The following ADAMTS6 variants were observed in gnomAD, a reference collection of about 807,000 sequenced individuals.
ADAMTS6 encodes A disintegrin and metalloproteinase with thrombospondin motifs 6.
A neutral mutation model predicts 144.3 loss-of-function variants in ADAMTS6; 23 were observed. The ratio of observed to expected loss-of-function variants is 0.16; its 90% CI spans 0.11 to 0.23. The LOEUF (loss-of-function observed/expected upper bound fraction) is 0.23, where lower values mean the gene tolerates loss of function less well. Ranked by LOEUF, ADAMTS6 falls within the 10% of genes least tolerant of loss-of-function variation. The probability of loss-of-function intolerance (pLI) is 1.00; values close to 1 mark genes in which losing one functional copy is unlikely to be tolerated. For synonymous variants in ADAMTS6, 444 were observed against 457.5 expected, an observed-to-expected ratio of 0.97 and a Z score of 0.38; for missense variants, 999 against 1,379.6, an observed-to-expected ratio of 0.72 and a Z score of 4.37.
At position 65,409,309 on chromosome 5, in the gene ADAMTS6, A is replaced by T. The variant is rs188015675; in HGVS notation, c.1073+42166T>A. Among the ~76,000 whole-genome samples, 5 of 150,392 alleles carry T rather than the reference A, an allele frequency of 3.3e-5. No individual in the cohort carries two copies. The East Asian group carries it at 7.7e-4, about 23-fold the overall frequency. ...TCAAATAGACGCAATAAAAAATGAT[A>T]AAGGGGATATCACCACTGATCCCAC... is the stretch of plus-strand genomic sequence containing the variant. On this transcript the variant is annotated intron_variant, in intron 7 of 24. Coordinates refer to ENST00000381055, the MANE Select transcript of ADAMTS6 (RefSeq NM_197941.4).
chr5:65,373,164 C>T (rs1751145588), intron 7 of ADAMTS6, among the ~76,000 whole-genome samples: 4 of 149,818 alleles, frequency 2.7e-5, no homozygotes, highest in Non-Finnish European at 4.5e-5. Flanking sequence ...AGGAAAGATC[C>T]AAAATTGACA....
At chr5:65,198,996 C>CA (rs1443191272) in intron 20 of ADAMTS6, among the ~76,000 whole-genome samples, 2 of 152,158 alleles carry the variant, frequency 1.3e-5, no homozygotes, top group African/African-American at 4.8e-5. Flanking sequence ...TCCACCTAGA[C>CA]AGATACCTCT....
chr5:65,402,342 ACT>A (rs1753990299), intron 7 of ADAMTS6, among the ~76,000 whole-genome samples: 1 of 152,134 alleles, frequency 6.6e-6, no homozygotes, highest in South Asian at 2.1e-4. Context: ...GATGAATGTG[ACT>A]GAAGACAAAA....
intron 7 of ADAMTS6, among the ~76,000 whole-genome samples, chr5:65,446,414 A>G (rs1478911864): frequency 6.6e-6 from 1 of 152,206 alleles, no homozygotes; most frequent in Non-Finnish European, 1.5e-5. Flanking sequence ...CAAAGCAAAC[A>G]GTCATGACCC....
intron 14 of ADAMTS6, among the ~76,000 whole-genome samples, chr5:65,250,498 A>G (rs1166435973): frequency 6.6e-6 from 1 of 152,244 alleles, no homozygotes; most frequent in Middle Eastern, 3.2e-3. Flanking sequence ...CCTCTAGCAG[A>G]GCTGACTGAG....
At chr5:65,403,206 T>A (rs576152803) in intron 7 of ADAMTS6, among the ~76,000 whole-genome samples, 1 of 152,282 alleles carries the variant, frequency 6.6e-6, no homozygotes, top group East Asian at 1.9e-4. Flanking sequence ...TCTAACTAGC[T>A]GCTTTTTCTG....
intron 3 of ADAMTS6, among the ~76,000 whole-genome samples, chr5:65,463,491 C>T (rs1759775312): frequency 6.6e-6 from 1 of 152,146 alleles, no homozygotes; most frequent in Admixed American, 6.5e-5. Context: ...GAAATCTATG[C>T]ATGCCTGGCA....
At chr5:65,315,094 GTAA>G (rs947151897) in intron 9 of ADAMTS6, among the ~76,000 whole-genome samples, 5 of 151,888 alleles carry the variant, frequency 3.3e-5, no homozygotes, top group Non-Finnish European at 7.4e-5. Flanking sequence ...ACTATTTAAA[GTAA>G]TAATAGTAAC....
rs967399406 is a variant in ADAMTS6, at chr5:65,471,141, C to A, written c.99G>T (p.Glu33Asp). ...SDHRLSYSSQEEFLTYLEHYQ... is the reference protein window; with the variant it reads ...SDHRLSYSSQDEFLTYLEHYQ... The stretch of plus-strand genomic sequence containing the variant: ...AGTGTTCAAGATAAGTCAGGAATTC[C>A]TCTTTGTAATCACAAGGCAGAGAAT... Residue 33 changes from glutamate to aspartate, a missense_variant and splice_region_variant, in exon 3 of 25, where the codon GAG becomes GAT. Glu to Asp is a conservative substitution (Grantham distance 45, BLOSUM62 2). Around this residue, in one of 3 missense-constraint regions of ADAMTS6, gnomAD observed 252 missense variants for 293.7 expected, o/e 0.86. Coordinates refer to ENST00000381055, the MANE Select transcript of ADAMTS6 (RefSeq NM_197941.4). 8 of 1,578,214 alleles carry A rather than the reference C, an allele frequency of 5.1e-6. No individual in the cohort carries two copies. In the African/African-American group the frequency reaches 8.3e-5, roughly 16 times the overall value.
chr5:65,250,249 A>G (rs1349982134), intron 14 of ADAMTS6, among the ~76,000 whole-genome samples: 1 of 152,202 alleles, frequency 6.6e-6, no homozygotes, highest in Admixed American at 6.6e-5. Context: ...CAGCCTATTT[A>G]TATAAGAGTC....
At chr5:65,223,801 AT>A (rs774556245) in intron 18 of ADAMTS6, among the ~76,000 whole-genome samples, 197 of 137,792 alleles carry the variant, frequency 1.4e-3, no homozygotes, top group Middle Eastern at 3.8e-3. Context: ...TGAGATAGTG[AT>A]TTTTTTTTTT....
chr5:65,343,052 C>T (rs4700079), intron 7 of ADAMTS6, among the ~76,000 whole-genome samples: 43,578 of 151,888 alleles, frequency 0.29, 9,389 homozygotes, highest in African/African-American at 0.61. Flanking sequence ...CTGAAGAGGA[C>T]ACAAACCAAT....
chr5:65,382,233 G>A (rs963148020), intron 7 of ADAMTS6, among the ~76,000 whole-genome samples: 1 of 152,164 alleles, frequency 6.6e-6, no homozygotes, highest in Non-Finnish European at 1.5e-5. Context: ...ATATCTGCAG[G>A]CAAAGCTAAG....
At chr5:65,456,602 T>C (rs1385024862) in intron 4 of ADAMTS6, among the ~76,000 whole-genome samples, 1 of 152,182 alleles carries the variant, frequency 6.6e-6, no homozygotes, top group Non-Finnish European at 1.5e-5. Context: ...GAGCAGGGAC[T>C]TTTTCTGCTT....
intron 7 of ADAMTS6, among the ~76,000 whole-genome samples, chr5:65,434,349 TA>T (rs1317784280): frequency 1.3e-5 from 2 of 152,094 alleles, no homozygotes; most frequent in African/African-American, 4.8e-5. Flanking sequence ...ATGAATAAAC[TA>T]AAAAACCGTT....
intron 11 of ADAMTS6, among the ~76,000 whole-genome samples, chr5:65,277,160 G>C (rs558191545): frequency 6.6e-6 from 1 of 152,186 alleles, no homozygotes; most frequent in Admixed American, 6.5e-5. Context: ...TAATGTTATG[G>C]GGTCAACTTC....
At chr5:65,385,873 C>T (rs115498760) in intron 7 of ADAMTS6, among the ~76,000 whole-genome samples, 1 of 152,178 alleles carries the variant, frequency 6.6e-6, no homozygotes, top group Non-Finnish European at 1.5e-5. Context: ...AAAGCACTGA[C>T]CAAATGTAAG....
chr5:65,164,369 C>A (rs951577161), intron 24 of ADAMTS6, among the ~76,000 whole-genome samples: 4 of 152,050 alleles, frequency 2.6e-5, no homozygotes, highest in African/African-American at 7.3e-5. Context: ...GCACCTGGCT[C>A]GGAGGGTCCT....
intron 24 of ADAMTS6, among the ~76,000 whole-genome samples, chr5:65,154,894 T>C (rs1466092088): frequency 6.6e-6 from 1 of 152,144 alleles, no homozygotes; most frequent in Non-Finnish European, 1.5e-5. Flanking sequence ...AAGCAAAATA[T>C]CAGAAAGCTA....
Sources: allele counts gnomAD v4.1 joint callset (sites outside exome capture counted in the v4.1 genomes callset), GRCh38; gene constraint gnomAD v4.1.1; regional missense constraint gnomAD v4.1.1; transcripts MANE v1.5; gene names NCBI Gene and HGNC (gene_info 2026-07-23, HGNC 2026-07-21).